LSM14A: variants seen among roughly 807,000 people sequenced by gnomAD.
LSM14A encodes the protein protein LSM14 homolog A.
Under a neutral mutation model 52.4 loss-of-function variants are expected in LSM14A, and 14 were observed. The observed-to-expected ratio is 0.27, with a 90% confidence interval of 0.18 to 0.42. The LOEUF is 0.42. Among genes scored for constraint, LSM14A ranks in the 10% least tolerant of loss-of-function variants. LSM14A has a pLI of 1.00. For missense variants in LSM14A, 417 were observed against 581.8 expected (o/e 0.72, Z 2.91); for synonymous variants, 185 against 200.3 (o/e 0.92, Z 0.64).
At chr19:34,218,275 G>T (rs1478026015) in intron 6 of LSM14A, among the ~76,000 whole-genome samples, 1 of 152,012 alleles carries the variant, frequency 6.6e-6, no homozygotes, top group Non-Finnish European at 1.5e-5. Flanking sequence ...AAGTGCTGGG[G>T]TTACAGGCGT....
intron 3 of LSM14A, 86 bp from the exon 4 acceptor site, chr19:34,208,843 C>A: frequency 1.2e-6 from 1 of 862,012 alleles, no homozygotes; most frequent in Non-Finnish European, 1.7e-6. Flanking sequence ...CAATTACCAT[C>A]ATTAAAATGC....
rs1226138554 is a variant in LSM14A at position 34,221,502 on chromosome 19, A to G, written c.1137-5A>G. 3 of 1,611,658 alleles carry G rather than the reference A, an allele frequency of 1.9e-6. No homozygotes were observed. Among genetic ancestry groups the G allele is most frequent in the African/African-American group, 2.7e-5 (2 of 74,866 alleles). On this transcript the variant is annotated splice_region_variant and splice_polypyrimidine_tract_variant and intron_variant, in intron 8 of 9. Transcript: ENST00000544216. ...TATGCTGAAGATTATTTGCTTTTAT[A>G]ATAGAGAACGGAGACCAACCTGGGC...
At chr19:34,182,923 C>T (rs1010369073) in intron 1 of LSM14A, among the ~76,000 whole-genome samples, 1 of 151,862 alleles carries the variant, frequency 6.6e-6, no homozygotes, top group Admixed American at 6.6e-5. Context: ...CCTCCCTCCC[C>T]TCTCCCCCTC....
chr19:34,214,171 TTTTG>T (rs1276648068), intron 4 of LSM14A, among the ~76,000 whole-genome samples: 2 of 152,190 alleles, frequency 1.3e-5, no homozygotes, highest in African/African-American at 4.8e-5. Flanking sequence ...GAAGGGTTTT[TTTTG>T]TTTGTTTTTT....
At chr19:34,214,851 T>A in intron 4 of LSM14A, among the ~76,000 whole-genome samples, 1 of 151,312 alleles carries the variant, frequency 6.6e-6, no homozygotes, top group African/African-American at 2.4e-5. Context: ...ACTCTTCCAC[T>A]AAGTAGAAAT....
In LSM14A at chr19:34,221,892, G is replaced by A. The variant is rs1026199402; in HGVS notation, c.1368+154G>A. The A allele has an allele frequency of 9.3e-6, 13 of 1,390,638 alleles. No homozygotes were observed. The East Asian group carries it at 1.3e-4, about 13-fold the overall frequency. The allele number at this position is 1,390,638 out of a possible 1,614,324, so 86.1% of individuals were successfully genotyped here. A position where few individuals can be genotyped will look rare whatever the true frequency, so the allele number is the denominator to read the frequency against. ...AGTAGAGGATATACGTGATTCAGAT[G>A]TATATATAAAGACATTATACAAAAA... is the stretch of plus-strand genomic sequence containing the variant. On this transcript the variant is annotated intron_variant, in intron 9 of 9. Transcript: ENST00000544216.
chr19:34,172,579 A>T lies in LSM14A; in HGVS notation c.-64A>T. The T allele has an allele frequency of 6.8e-7, 1 of 1,473,188 alleles. No individual in the cohort carries two copies. Among genetic ancestry groups the T allele is most frequent in the Non-Finnish European group, 9.0e-7 (1 of 1,111,866 alleles). 91.3% of individuals were successfully genotyped at this position (1,473,188 alleles called of 1,614,324 possible). A position where few individuals can be genotyped will look rare whatever the true frequency, so the allele number is the denominator to read the frequency against. ...GCCGACGGAGCGAGCGGGCGTGCGG[A>T]GCGGGCGACAGTGGCGTGGGATCTG... is the stretch of plus-strand genomic sequence containing the variant. On this transcript the variant is annotated 5_prime_UTR_variant, in exon 1 of 10. Transcript: ENST00000544216.
chr19:34,173,024 G>C (rs978356520), intron 1 of LSM14A, among the ~76,000 whole-genome samples: 22 of 152,350 alleles, frequency 1.4e-4, no homozygotes, highest in Non-Finnish European at 2.5e-4. Context: ...CCTGAAGTCC[G>C]AGAACGGGCC....
intron 6 of LSM14A, among the ~76,000 whole-genome samples, chr19:34,217,926 A>G (rs1394290540): frequency 3.3e-5 from 5 of 151,682 alleles, no homozygotes; most frequent in Non-Finnish European, 5.9e-5. Flanking sequence ...GTTCATTAAC[A>G]GAACAGTGCA....
At position 34,227,552 on chromosome 19, in the gene LSM14A, A is replaced by C. The variant is rs1370041861; in HGVS notation, c.*164A>C. 3.6e-6 allele frequency: 2 copies of C among 556,738 alleles called. No individual in the cohort carries two copies. The highest frequency in any genetic ancestry group is 3.9e-5 in the African/African-American group (2 of 50,720). The allele number at this position is 556,738 out of a possible 1,614,324, so 34.5% of individuals were successfully genotyped here. ...TTTTCCGCTTAATTTCAAAGATAAA[A>C]TGCAGTTACTTTTGGGGGTGGAAGG... On this transcript the variant is annotated 3_prime_UTR_variant, in exon 10 of 10. Coordinates refer to ENST00000544216, the MANE Select transcript of LSM14A (RefSeq NM_015578.4).
intron 3 of LSM14A, among the ~76,000 whole-genome samples, chr19:34,200,957 T>C (rs1304560549): frequency 1.3e-5 from 2 of 152,242 alleles, no homozygotes; most frequent in South Asian, 4.1e-4. Flanking sequence ...TAACTAATTA[T>C]GTTAAAAAAT....
chr19:34,195,985 A>T (rs959396020), intron 2 of LSM14A, among the ~76,000 whole-genome samples: 2 of 152,228 alleles, frequency 1.3e-5, no homozygotes, highest in Admixed American at 1.3e-4. Context: ...AGGTCCTGCC[A>T]TCAGTGAGTG....
chr19:34,185,197 G>T (rs1267294217), intron 1 of LSM14A, among the ~76,000 whole-genome samples: 1 of 152,192 alleles, frequency 6.6e-6, no homozygotes, highest in Non-Finnish European at 1.5e-5. Context: ...ATTGCAGAAG[G>T]TGCAAGGAAC....
intron 2 of LSM14A, among the ~76,000 whole-genome samples, chr19:34,196,405 G>A (rs528382327): frequency 6.6e-6 from 1 of 152,036 alleles, no homozygotes; most frequent in Admixed American, 6.5e-5. Flanking sequence ...GGAGTTTATT[G>A]TAGAAAAAAG....
chr19:34,183,676 G>A (rs946076406), intron 1 of LSM14A, among the ~76,000 whole-genome samples: 3 of 152,158 alleles, frequency 2.0e-5, no homozygotes, highest in East Asian at 1.9e-4. Flanking sequence ...AAAGTTGAGA[G>A]CCGCAACCTA....
chr19:34,218,395 A>G (rs532421333), intron 6 of LSM14A, among the ~76,000 whole-genome samples: 3 of 152,260 alleles, frequency 2.0e-5, no homozygotes, highest in South Asian at 4.1e-4. Flanking sequence ...TGTTTCAAAC[A>G]TCCTACTTAT....
chr19:34,204,529 T>C (rs1218809328), intron 3 of LSM14A, among the ~76,000 whole-genome samples: 1 of 146,460 alleles, frequency 6.8e-6, no homozygotes, highest in Non-Finnish European at 1.5e-5. Flanking sequence ...CTGGGGAACA[T>C]AGGGAGACCT....
chr19:34,197,126 C>G (rs1568483250), intron 3 of LSM14A, among the ~76,000 whole-genome samples: 1 of 152,094 alleles, frequency 6.6e-6, no homozygotes, highest in Non-Finnish European at 1.5e-5. Flanking sequence ...AAGTCTCACT[C>G]TGTCACTCAG....
intron 3 of LSM14A, among the ~76,000 whole-genome samples, chr19:34,207,031 A>G (rs1465076266): frequency 6.6e-6 from 1 of 152,262 alleles, no homozygotes; most frequent in Non-Finnish European, 1.5e-5. Context: ...GAGAAAAGAC[A>G]TTGTTTTAAC....
Sources: gnomAD v4.1 joint callset for allele counts (sites outside exome capture counted in the v4.1 genomes callset) on GRCh38, gnomAD v4.1.1 for gene constraint, MANE v1.5 for transcripts, NCBI Gene and HGNC (gene_info 2026-07-23, HGNC 2026-07-21) for gene names.